Variants in TSNARE1 observed in about 807,000 individuals in gnomAD.
TSNARE1 encodes the protein t-SNARE domain containing 1, also known as t-SNARE domain-containing protein 1.
In TSNARE1, 49 loss-of-function variants were observed where a neutral mutation model predicts 62.0. The observed-to-expected ratio is 0.79, with a 90% CI of 0.63 to 1.00. The LOEUF (loss-of-function observed/expected upper bound fraction) is 1.00. TSNARE1 is among the 50% of genes least tolerant of loss of function. TSNARE1 has a pLI of 0.00. For synonymous variants in TSNARE1, 328 were observed against 294.4 expected (o/e 1.11, Z -1.17); for missense variants, 755 against 700.1 (o/e 1.08, Z -0.88).
At chr8:142,279,679 TC>T (rs1821090182) in intron 11 of TSNARE1, among the ~76,000 whole-genome samples, 1 of 151,970 alleles carries the variant, frequency 6.6e-6, no homozygotes, top group Non-Finnish European at 1.5e-5. Context: ...ACCCTTGGTT[TC>T]CCCACCTAAA....
At chr8:142,341,289 G>C (rs760696008) in intron 4 of TSNARE1, among the ~76,000 whole-genome samples, 1 of 152,154 alleles carries the variant, frequency 6.6e-6, no homozygotes, top group Non-Finnish European at 1.5e-5. Flanking sequence ...GGCCTGGCCA[G>C]GCAGTCTTCT....
At chr8:142,258,129 G>A (rs746328699) in intron 12 of TSNARE1, among the ~76,000 whole-genome samples, 10 of 152,100 alleles carry the variant, frequency 6.6e-5, no homozygotes, top group South Asian at 2.1e-4. Flanking sequence ...GAAGGCACAC[G>A]CGAAGGCACA....
upstream of TSNARE1, chr8:142,406,836 G>A (rs749088308): frequency 2.0e-5 from 3 of 152,274 alleles, no homozygotes; most frequent in Non-Finnish European, 4.4e-5. Context: ...GGGACACGTG[G>A]GAGTCTCTGG....
chr8:142,227,519 C>T (rs1189798731), intron 13 of TSNARE1, among the ~76,000 whole-genome samples: 4 of 152,000 alleles, frequency 2.6e-5, no homozygotes, highest in African/African-American at 7.3e-5. Flanking sequence ...ACAGCCAGGC[C>T]CCCCATTCTG....
At position 142,220,737 on chromosome 8, in the gene TSNARE1, C is replaced by T. The variant is rs375680143; in HGVS notation, c.*12-8424G>A. 2.8e-4 allele frequency among the ~76,000 whole-genome samples: 42 copies of T among 152,344 alleles called. No homozygotes were observed. In the East Asian group the frequency reaches 5.4e-3, roughly 20 times the overall value. ...GGCCACCAAAAGGCAAACAGACCCT[C>T]GCACAGCGCCCCAGCCGGCAGGCAG... is the stretch of plus-strand genomic sequence containing the variant. On this transcript the variant is annotated intron_variant, in intron 13 of 13. Transcript: ENST00000524325.
chr8:142,262,164 A>C (rs1036792029), intron 12 of TSNARE1, among the ~76,000 whole-genome samples: 8 of 152,228 alleles, frequency 5.3e-5, no homozygotes, highest in African/African-American at 1.9e-4. Context: ...TTCTTCTTCC[A>C]GGTGGCATGG....
intron 12 of TSNARE1, among the ~76,000 whole-genome samples, chr8:142,234,629 G>A (rs1157514370): frequency 6.6e-6 from 1 of 152,214 alleles, no homozygotes; most frequent in African/African-American, 2.4e-5. Context: ...GTGTGACCAG[G>A]GCAGTCCCTC....
Position 142,335,279 on chromosome 8 carries a change from A to G in TSNARE1, c.746-3448T>C, listed in dbSNP as rs111461035. Among the ~76,000 whole-genome samples the G allele has an allele frequency of 5.7e-3, 868 of 152,210 alleles. 10 individuals are homozygous for G. The highest frequency in any genetic ancestry group is 0.02 in the African/African-American group (827 of 41,516). ...ACCATGTCAACGAGGCAGGGTCATCATGTTATAAATGACCCGTGGTCCTGA... is the reference window on the plus strand; with the variant it reads ...ACCATGTCAACGAGGCAGGGTCATCGTGTTATAAATGACCCGTGGTCCTGA... On this transcript the variant is annotated intron_variant, in intron 4 of 13. Coordinates refer to ENST00000524325, the MANE Select transcript of TSNARE1 (RefSeq NM_145003.5).
intron 13 of TSNARE1, among the ~76,000 whole-genome samples, chr8:142,214,025 T>A (rs1293008077): frequency 6.6e-6 from 1 of 152,172 alleles, no homozygotes; most frequent in African/African-American, 2.4e-5. Flanking sequence ...GAGACACCTG[T>A]CCTGCCCCCA....
chr8:142,220,717 C>T (rs1415685115), intron 13 of TSNARE1, among the ~76,000 whole-genome samples: 1 of 152,216 alleles, frequency 6.6e-6, no homozygotes, highest in Non-Finnish European at 1.5e-5. Context: ...TCCTGGGCCA[C>T]CAAAAGGCAA....
At chr8:142,403,862 TG>T (rs1026252703), upstream of TSNARE1, 3 of 152,360 alleles carry the variant, frequency 2.0e-5, no homozygotes, top group African/African-American at 7.2e-5. Flanking sequence ...TTCCCTGCTC[TG>T]CCTGCGGGCA....
At chr8:142,326,681 C>G (rs989803252) in intron 6 of TSNARE1, among the ~76,000 whole-genome samples, 1 of 150,670 alleles carries the variant, frequency 6.6e-6, no homozygotes, top group Non-Finnish European at 1.5e-5. Flanking sequence ...CCAGAGAGCA[C>G]GAGACGGATG....
intron 12 of TSNARE1, chr8:142,271,647 T>C: frequency 1.4e-6 from 2 of 1,404,226 alleles, no homozygotes; most frequent in Non-Finnish European, 1.8e-6. Flanking sequence ...TCCAGGGACC[T>C]CAGGGGCAGC....
chr8:142,280,044 G>A (rs891446120), intron 11 of TSNARE1: 14 of 1,234,840 alleles, frequency 1.1e-5, no homozygotes, highest in African/African-American at 1.6e-5. Context: ...CGCGGCGGCA[G>A]TAGCCCAGCG....
chr8:142,353,663 A>G (rs1834401396), intron 2 of TSNARE1, among the ~76,000 whole-genome samples: 1 of 152,244 alleles, frequency 6.6e-6, no homozygotes, highest in Non-Finnish European at 1.5e-5. Context: ...GCTGCCAAGG[A>G]GCCAGCGAGG....
intron 9 of TSNARE1, among the ~76,000 whole-genome samples, chr8:142,302,495 T>C (rs1430122506): frequency 6.6e-6 from 1 of 152,006 alleles, no homozygotes; most frequent in African/African-American, 2.4e-5. Flanking sequence ...ACTCTCAGGA[T>C]GGGGGCTGCC....
intron 12 of TSNARE1, among the ~76,000 whole-genome samples, chr8:142,263,265 A>T (rs1818978839): frequency 6.6e-6 from 1 of 152,252 alleles, no homozygotes; most frequent in African/African-American, 2.4e-5. Flanking sequence ...ACGTCTGGAA[A>T]TGGCAATCAT....
intron 4 of TSNARE1, among the ~76,000 whole-genome samples, chr8:142,335,652 T>C (rs533836473): frequency 4.6e-5 from 7 of 151,686 alleles, no homozygotes; most frequent in Non-Finnish European, 1.0e-4. Context: ...AAAGGAAATA[T>C]AGAAAGCAAA....
chr8:142,273,570 C>T (rs557722803), intron 12 of TSNARE1: 79 of 985,402 alleles, frequency 8.0e-5, no homozygotes, highest in East Asian at 1.1e-4. Flanking sequence ...TCTTGTCTCC[C>T]GGCCTGGCGT....
Sources: allele counts gnomAD v4.1 joint callset (sites outside exome capture counted in the v4.1 genomes callset), GRCh38; gene constraint gnomAD v4.1.1; transcripts MANE v1.5; gene names NCBI Gene and HGNC (gene_info 2026-07-23, HGNC 2026-07-21).